AFF3: variants seen among roughly 807,000 people sequenced by gnomAD.
The protein encoded by AFF3 is AF4/FMR2 family member 3.
A neutral mutation model predicts 129.7 loss-of-function variants in AFF3; 32 were observed. The ratio of observed to expected loss-of-function variants is 0.25; its 90% CI spans 0.19 to 0.33. The LOEUF (loss-of-function observed/expected upper bound fraction) is 0.33. AFF3 is among the 10% of genes least tolerant of loss of function. AFF3 has a pLI of 1.00. For synonymous variants in AFF3, 644 were observed against 635.4 expected (o/e 1.01, Z -0.20); for missense variants, 1,373 against 1,592.0 (o/e 0.86, Z 2.34).
At chr2:100,085,023 A>C (rs959552789) in intron 4 of AFF3, among the ~76,000 whole-genome samples, 2 of 152,168 alleles carry the variant, frequency 1.3e-5, no homozygotes, top group African/African-American at 4.8e-5. Context: ...TCGGAAACTG[A>C]GTATACAAAA....
At chr2:100,135,977 A>T (rs1692625314) in intron 1 of AFF3, among the ~76,000 whole-genome samples, 1 of 152,206 alleles carries the variant, frequency 6.6e-6, no homozygotes, top group African/African-American at 2.4e-5. Context: ...GTTGTGAAGG[A>T]AAGAAGTGAA....
chr2:100,022,230 T>C (rs1683649310), intron 4 of AFF3, among the ~76,000 whole-genome samples: 1 of 152,206 alleles, frequency 6.6e-6, no homozygotes, highest in Non-Finnish European at 1.5e-5. Flanking sequence ...TAATCTATCA[T>C]ACAAATATTT....
At chr2:99,884,798 T>C (rs1310419877) in intron 7 of AFF3, among the ~76,000 whole-genome samples, 3 of 152,182 alleles carry the variant, frequency 2.0e-5, no homozygotes, top group Non-Finnish European at 4.4e-5. Flanking sequence ...AAGACCACAT[T>C]AGCCAGCTCC....
chr2:99,942,406 A>G (rs1021660875), intron 7 of AFF3, among the ~76,000 whole-genome samples: 2 of 151,980 alleles, frequency 1.3e-5, no homozygotes, highest in African/African-American at 4.8e-5. Context: ...GAAGAAAATG[A>G]AGGAACAAGA....
intron 11 of AFF3, among the ~76,000 whole-genome samples, chr2:99,704,786 C>A (rs1251128677): frequency 6.6e-6 from 1 of 152,176 alleles, no homozygotes; most frequent in Non-Finnish European, 1.5e-5. Flanking sequence ...ATAACACACC[C>A]TCATTCATGA....
intron 8 of AFF3, among the ~76,000 whole-genome samples, chr2:99,787,855 C>T (rs1433685059): frequency 1.3e-5 from 2 of 152,064 alleles, no homozygotes; most frequent in Admixed American, 1.3e-4. Flanking sequence ...GCAAACGCCT[C>T]CTAAAGTTGT....
At chr2:100,124,623 A>T (rs2105567374) in intron 2 of AFF3, among the ~76,000 whole-genome samples, 1 of 150,764 alleles carries the variant, frequency 6.6e-6, no homozygotes, top group South Asian at 2.1e-4. Flanking sequence ...TGGCAATTGC[A>T]TTGCTGACAT....
chr2:100,114,356 A>G (rs959668185), intron 2 of AFF3, among the ~76,000 whole-genome samples: 1 of 152,190 alleles, frequency 6.6e-6, no homozygotes, highest in Non-Finnish European at 1.5e-5. Flanking sequence ...GTGTGACTGC[A>G]CAGGTCACAG....
At chr2:99,900,270 A>G (rs1370895114) in intron 7 of AFF3, among the ~76,000 whole-genome samples, 1 of 152,174 alleles carries the variant, frequency 6.6e-6, no homozygotes, top group Non-Finnish European at 1.5e-5. Flanking sequence ...AGCCCAATAA[A>G]GACTTCACTT....
intron 10 of AFF3, among the ~76,000 whole-genome samples, chr2:99,739,806 T>A (rs992772023): frequency 2.6e-5 from 4 of 152,096 alleles, no homozygotes; most frequent in African/African-American, 7.2e-5. Flanking sequence ...TTCTTTTTTT[T>A]AATTTTTATT....
chr2:99,713,608 C>T (rs1678110356), intron 11 of AFF3, among the ~76,000 whole-genome samples: 1 of 151,870 alleles, frequency 6.6e-6, no homozygotes, highest in Non-Finnish European at 1.5e-5. Context: ...AGATAACCCC[C>T]CGAGGAAAGG....
rs372140231 is a variant in AFF3 at position 99,866,699 on chromosome 2, G to C, written c.874-29175C>G. ...GATAAAAAATCAAGCACTGGCGGTC[G>C]GGCGTGGTGGCTCACGCTTGTAATT... is the stretch of plus-strand genomic sequence containing the variant. On this transcript the variant is annotated intron_variant, in intron 7 of 24. Coordinates refer to ENST00000672756, the MANE Select transcript of AFF3 (RefSeq NM_001386135.1). Among the ~76,000 whole-genome samples, 8 of 152,036 alleles carry C rather than the reference G, an allele frequency of 5.3e-5. No homozygotes were observed. The East Asian group carries it at 5.8e-4, about 11-fold the overall frequency.
chr2:99,925,699 T>G (rs1020673144), intron 7 of AFF3, among the ~76,000 whole-genome samples: 1 of 152,224 alleles, frequency 6.6e-6, no homozygotes, highest in Non-Finnish European at 1.5e-5. Context: ...ACTGAGGCTG[T>G]CTGGGCAGAG....
intron 7 of AFF3, among the ~76,000 whole-genome samples, chr2:99,941,533 T>C (rs1164194339): frequency 6.6e-6 from 1 of 152,234 alleles, no homozygotes; most frequent in African/African-American, 2.4e-5. Context: ...TAACAGCCCC[T>C]GAATTTTGTT....
In AFF3 at chr2:99,707,141, C is replaced by A. The variant is rs139803736; in HGVS notation, c.1091+19936G>T. The A allele has an allele frequency of 6.6e-3, 6,504 of 985,366 alleles. 30 individuals are homozygous for A. The highest frequency in any genetic ancestry group is 7.4e-3 in the Non-Finnish European group (6,100 of 829,908). The allele number at this position is 985,366 out of a possible 1,614,324, so 61.0% of individuals were successfully genotyped here. A position where few individuals can be genotyped will look rare whatever the true frequency, so the allele number is the denominator to read the frequency against. On this transcript the variant is annotated intron_variant, in intron 11 of 24. Coordinates refer to ENST00000672756, the MANE Select transcript of AFF3 (RefSeq NM_001386135.1). ...TGGCTCCAGTTGTGGCTTAGCAAGTCAAAAACTAGTAAACTTGCCTGTAAC... is the reference window on the plus strand; with the variant it reads ...TGGCTCCAGTTGTGGCTTAGCAAGTAAAAAACTAGTAAACTTGCCTGTAAC...
At chr2:100,049,033 C>T (rs560731497) in intron 4 of AFF3, among the ~76,000 whole-genome samples, 1 of 152,252 alleles carries the variant, frequency 6.6e-6, no homozygotes, top group Non-Finnish European at 1.5e-5. Context: ...AATATTGAGG[C>T]ACAGTAACTA....
intron 7 of AFF3, among the ~76,000 whole-genome samples, chr2:99,986,640 A>T (rs1204938464): frequency 6.6e-6 from 1 of 152,224 alleles, no homozygotes; most frequent in African/African-American, 2.4e-5. Flanking sequence ...CATTTTAAAA[A>T]TGACTTATTA....
chr2:99,997,188 C>T (rs1680923719), intron 7 of AFF3, among the ~76,000 whole-genome samples: 1 of 152,134 alleles, frequency 6.6e-6, no homozygotes, highest in Non-Finnish European at 1.5e-5. Flanking sequence ...CTCCAAACTC[C>T]AGACTTGTGG....
chr2:100,125,606 T>A (rs1338117468), intron 2 of AFF3, among the ~76,000 whole-genome samples: 2 of 151,696 alleles, frequency 1.3e-5, no homozygotes, highest in East Asian at 3.9e-4. Flanking sequence ...ACTGAGTAGT[T>A]GCAGATGGAG....
Sources: allele counts gnomAD v4.1 joint callset (sites outside exome capture counted in the v4.1 genomes callset), GRCh38; gene constraint gnomAD v4.1.1; transcripts MANE v1.5; gene names NCBI Gene and HGNC (gene_info 2026-07-23, HGNC 2026-07-21).